Variants in STAMBPL1 observed in about 807,000 individuals in gnomAD.
The protein encoded by STAMBPL1 is STAM binding protein like 1.
STAMBPL1 carries 44 observed loss-of-function variants against 52.9 expected under a neutral mutation model. The ratio of observed to expected loss-of-function variants is 0.83; its 90% CI spans 0.65 to 1.07. STAMBPL1 has a LOEUF of 1.07. Ranked by LOEUF, STAMBPL1 falls within the 50% of genes least tolerant of loss-of-function variation. STAMBPL1 has a pLI of 0.00. For missense variants in STAMBPL1, 511 were observed against 520.8 expected (o/e 0.98, Z 0.18); for synonymous variants, 164 against 177.3 (o/e 0.92, Z 0.60).
intron 10 of STAMBPL1, among the ~76,000 whole-genome samples, 200 bp downstream of exon 10, chr10:88,922,636 C>G (rs1388014348): frequency 6.6e-6 from 1 of 152,126 alleles, no homozygotes; most frequent in Non-Finnish European, 1.5e-5. Context: ...AAGGAAACAT[C>G]AGTATTTCTG....
chr10:88,887,560 G>T (rs1393995905), intron 1 of STAMBPL1, among the ~76,000 whole-genome samples: 1 of 152,090 alleles, frequency 6.6e-6, no homozygotes, highest in East Asian at 1.9e-4. Context: ...CAAGGGTCGT[G>T]GTCTGTCACC....
At position 88,923,019 on chromosome 10, in the gene STAMBPL1, A is replaced by G. The variant is rs1008352455; in HGVS notation, c.1255-149A>G. 20 of 586,450 alleles carry G rather than the reference A, an allele frequency of 3.4e-5. No individual in the cohort carries two copies. In the Admixed American group the frequency reaches 4.1e-4, roughly 12 times the overall value. The allele number at this position is 586,450 out of a possible 1,614,324, so 36.3% of individuals were successfully genotyped here. A position where few individuals can be genotyped will look rare whatever the true frequency, so the allele number is the denominator to read the frequency against. On this transcript the variant is annotated intron_variant, in intron 10 of 10. Transcript: ENST00000371926. The stretch of plus-strand genomic sequence containing the variant: ...TTTTGTTGTTGTTGAAAATGAATAA[A>G]TGTGATTGTATTTGTTCTGATTGGA...
At position 88,921,415 on chromosome 10, in the gene STAMBPL1, G is replaced by A. The variant is rs768709244; in HGVS notation, c.1154+20G>A. On this transcript the variant is annotated intron_variant, in intron 9 of 10. Coordinates refer to ENST00000371926, the MANE Select transcript of STAMBPL1 (RefSeq NM_020799.4). ...TAAAGAGTAAGTGTAACTCTTCAGG[G>A]GAGACCAAAGAAGGCTTTGTCCAGG... 23 of 1,592,366 alleles carry A rather than the reference G, an allele frequency of 1.4e-5. No individual in the cohort carries two copies. Among genetic ancestry groups the A allele is most frequent in the Non-Finnish European group, 1.7e-5 (20 of 1,161,382 alleles).
At chr10:88,887,736 G>A (rs1471288108) in intron 1 of STAMBPL1, among the ~76,000 whole-genome samples, 1 of 152,046 alleles carries the variant, frequency 6.6e-6, no homozygotes, top group Non-Finnish European at 1.5e-5. Context: ...TGCCCAGGCT[G>A]ATCTTGAATT....
chr10:88,890,655 T>C (rs1042079322), intron 1 of STAMBPL1, among the ~76,000 whole-genome samples: 10 of 152,240 alleles, frequency 6.6e-5, no homozygotes, highest in African/African-American at 2.4e-4. Context: ...AAGAGACAAT[T>C]CTTCACCTCT....
chr10:88,917,683 C>G (rs1036822731), intron 8 of STAMBPL1, among the ~76,000 whole-genome samples: 1 of 152,080 alleles, frequency 6.6e-6, no homozygotes, highest in East Asian at 1.9e-4. Context: ...ATAGTGCAAT[C>G]CAGCTGAGGG....
At chr10:88,901,211 T>A (rs1047769305) in intron 1 of STAMBPL1, 7 of 152,370 alleles carry the variant, frequency 4.6e-5, no homozygotes, top group Admixed American at 4.6e-4. Context: ...CCTACAGATA[T>A]CAAGGGGCAG....
intron 2 of STAMBPL1, among the ~76,000 whole-genome samples, chr10:88,904,936 A>G (rs779861986): frequency 6.6e-6 from 1 of 152,038 alleles, no homozygotes; most frequent in Non-Finnish European, 1.5e-5. Flanking sequence ...CTCAATGAAG[A>G]TGCAGAGAAG....
intron 1 of STAMBPL1, among the ~76,000 whole-genome samples, chr10:88,896,277 A>G (rs1313401246): frequency 6.6e-6 from 1 of 152,216 alleles, no homozygotes; most frequent in East Asian, 1.9e-4. Context: ...CTGAATTTTT[A>G]AAATCCTTCA....
intron 1 of STAMBPL1, among the ~76,000 whole-genome samples, chr10:88,892,338 G>C (rs1035456038): frequency 7.9e-6 from 1 of 126,866 alleles, no homozygotes; most frequent in African/African-American, 3.2e-5. Context: ...GTATGTGTCT[G>C]TGTGTGTGCG....
intron 10 of STAMBPL1, 104 bp from the exon 11 acceptor site, chr10:88,923,064 A>G (rs1365598850): frequency 7.8e-6 from 6 of 773,438 alleles, no homozygotes; most frequent in Non-Finnish European, 1.3e-5. Flanking sequence ...AAAATCAGGA[A>G]CAAATTAAAA....
At chr10:88,920,351 A>G (rs977293600) in intron 8 of STAMBPL1, among the ~76,000 whole-genome samples, 8 of 152,200 alleles carry the variant, frequency 5.3e-5, no homozygotes, top group African/African-American at 1.9e-4. Context: ...TTTGATCTTC[A>G]TAACAATCCC....
chr10:88,913,331 C>G lies in STAMBPL1; in HGVS notation c.651C>G (p.His217Gln). ...DGSALSCFST[H>Q]QNNSLLNVFA... is the part of the protein sequence containing the mutation. ...GCGCTTTGTCCTGCTTTTCCACACA[C>G]CAGAACAATTCCTTGCTGAATGTAT... The change falls in exon 6 of 11, where the codon CAC becomes CAG. Residue 217 changes from histidine to glutamine, a missense_variant. This residue lies in a region of STAMBPL1 where 358 missense variants were observed against 343.5 expected (regional missense o/e 1.04). Coordinates refer to ENST00000371926, the MANE Select transcript of STAMBPL1 (RefSeq NM_020799.4). 6.2e-7 allele frequency: 1 copy of G among 1,613,878 alleles called. No homozygotes were observed. Among genetic ancestry groups the G allele is most frequent in the South Asian group, 1.1e-5 (1 of 91,082 alleles).
Position 88,892,336 on chromosome 10 carries a change from CTGTGTG to C in STAMBPL1, c.-53-9315_-53-9310del, listed in dbSNP as rs1258362261. 2.9e-5 allele frequency among the ~76,000 whole-genome samples: 4 copies of C among 139,666 alleles called. No homozygotes were observed. The South Asian group carries it at 7.2e-4, about 25-fold the overall frequency. 91.6% of individuals were successfully genotyped at this position (139,666 alleles called of 152,430 possible). On this transcript the variant is annotated intron_variant, in intron 1 of 10. Coordinates refer to ENST00000371926, the MANE Select transcript of STAMBPL1 (RefSeq NM_020799.4). ...AAATCTGTGGGGTTTGTGTATGTGT[CTGTGTG>C]TGTGCGTGTGCGTGTGTGTGTGTGT...
chr10:88,913,241 A>G lies in STAMBPL1; in HGVS notation c.561A>G (p.Gln187=). The G allele has an allele frequency of 1.2e-6, 2 of 1,613,916 alleles. No individual in the cohort carries two copies. Among genetic ancestry groups the G allele is most frequent in the Non-Finnish European group, 1.7e-6 (2 of 1,179,850 alleles). ...TTTTCGAAGATCAACTCAAGAAGCA[A>G]GAGTTAGCCCGAGGTCAAATGCGAA... ...FLFFEDQLKK[Q]ELARGQMRSQ... Residue 187 remains glutamine (Q), a synonymous_variant, in exon 6 of 11, where the codon CAA becomes CAG. Coordinates refer to ENST00000371926, the MANE Select transcript of STAMBPL1 (RefSeq NM_020799.4).
chr10:88,897,153 A>T (rs977815723), intron 1 of STAMBPL1, among the ~76,000 whole-genome samples: 3 of 152,158 alleles, frequency 2.0e-5, no homozygotes, highest in Non-Finnish European at 2.9e-5. Context: ...TTTGGAGAGG[A>T]TACTTACCCC....
At chr10:88,904,850 TAAAAAAAATGGGAGGGGC>T in intron 2 of STAMBPL1, among the ~76,000 whole-genome samples, 1 of 151,282 alleles carries the variant, frequency 6.6e-6, no homozygotes, top group Admixed American at 6.6e-5. Context: ...CTTTTTATGT[TAAAAAAAATGGGAGGGGC>T]ATTCTTATGC....
At chr10:88,909,687 C>T (rs139103993) in intron 4 of STAMBPL1, among the ~76,000 whole-genome samples, 4,533 of 152,152 alleles carry the variant, frequency 0.03, 192 homozygotes, top group East Asian at 0.12. Flanking sequence ...CTGCAACCCC[C>T]GCCTCCTGGG....
chr10:88,910,493 C>A (rs1201564639), intron 4 of STAMBPL1, among the ~76,000 whole-genome samples: 1 of 152,148 alleles, frequency 6.6e-6, no homozygotes, highest in African/African-American at 2.4e-5. Context: ...TTTTTACAGT[C>A]TAGCATGTCT....
Sources: allele counts gnomAD v4.1 joint callset (sites outside exome capture counted in the v4.1 genomes callset), GRCh38; gene constraint gnomAD v4.1.1; regional missense constraint gnomAD v4.1.1; transcripts MANE v1.5; gene names NCBI Gene and HGNC (gene_info 2026-07-23, HGNC 2026-07-21).